NFKBIZ: variants seen among roughly 807,000 people sequenced by gnomAD.
The protein encoded by NFKBIZ is NFKB inhibitor zeta, also known as NF-kappa-B inhibitor zeta.
Under a neutral mutation model 76.8 loss-of-function variants are expected in NFKBIZ, and 19 were observed. That is an observed-to-expected ratio of 0.25 (90% CI 0.17 to 0.36). NFKBIZ has a LOEUF of 0.36. Among genes scored for constraint, NFKBIZ ranks in the 10% least tolerant of loss-of-function variants. The pLI is 1.00. For synonymous variants in NFKBIZ, 368 were observed against 354.8 expected (o/e 1.04, Z -0.42); for missense variants, 829 against 910.9 (o/e 0.91, Z 1.16).
Position 101,860,453 on chromosome 3 carries a change from A to C in NFKBIZ, c.*1082A>C, listed in dbSNP as rs1943115319. 1 of 152,238 alleles carries C rather than the reference A, an allele frequency of 6.6e-6. No homozygotes were observed. Among genetic ancestry groups the C allele is most frequent in the Non-Finnish European group, 1.5e-5 (1 of 68,072 alleles). The allele number at this position is 152,238 out of a possible 1,614,324, so 9.4% of individuals were successfully genotyped here. On this transcript the variant is annotated 3_prime_UTR_variant, in exon 12 of 12. Coordinates refer to ENST00000326172, the MANE Select transcript of NFKBIZ (RefSeq NM_031419.4). ...TAGTCTCCCAAAATGCTGGGATTAC[A>C]GGAGTGAGCCACCATGCCCGGCTGG... is the stretch of plus-strand genomic sequence containing the variant.
chr3:101,836,217 T>C (rs1309519829), intron 2 of NFKBIZ, among the ~76,000 whole-genome samples: 3 of 152,138 alleles, frequency 2.0e-5, no homozygotes, highest in Non-Finnish European at 2.9e-5. Flanking sequence ...GTAATAGGAA[T>C]CAACTCTAGA....
At chr3:101,854,503 T>A in intron 5 of NFKBIZ, 75 bp from the exon 6 acceptor site, 1 of 744,272 alleles carries the variant, frequency 1.3e-6, no homozygotes, top group Non-Finnish European at 2.1e-6. Context: ...AAAGGAAGAT[T>A]TTTTTTTTTT....
chr3:101,857,033 A>ATT (rs75713821), intron 9 of NFKBIZ, 40 bp from the exon 10 acceptor site: 2,193 of 1,084,748 alleles, frequency 2.0e-3, no homozygotes, highest in Non-Finnish European at 2.5e-3. Context: ...TAGTATCTGG[A>ATT]TTTTTTTTTT....
intron 9 of NFKBIZ, chr3:101,856,151 A>G (rs1440386657): frequency 8.5e-6 from 2 of 236,624 alleles, no homozygotes; most frequent in Non-Finnish European, 1.7e-5. Flanking sequence ...CCCTGGTTCA[A>G]GCGATTCTCC....
upstream of NFKBIZ, among the ~76,000 whole-genome samples, chr3:101,844,686 G>A (rs758867038): frequency 2.6e-5 from 4 of 152,216 alleles, no homozygotes; most frequent in African/African-American, 4.8e-5. Context: ...AGGCAAAAGT[G>A]CAATTTTGCA....
chr3:101,849,681 A>G lies in NFKBIZ; in HGVS notation c.53A>G (p.Asp18Gly), dbSNP rs1942915902. The G allele has an allele frequency of 1.0e-5, 14 of 1,394,708 alleles. No individual in the cohort carries two copies. Among genetic ancestry groups the G allele is most frequent in the Non-Finnish European group, 1.3e-5 (14 of 1,082,528 alleles). The allele number at this position is 1,394,708 out of a possible 1,614,324, so 86.4% of individuals were successfully genotyped here. Reference protein sequence around the residue: ...DDSRGGEGLRDAAGGCGLMTS... With the variant: ...DDSRGGEGLRGAAGGCGLMTS... ...AGCCGCGGCGGAGAGGGGCTGCGGG[A>G]CGCGGCGGGCGGCTGCGGCCTCATG... The change falls in exon 1 of 12, where the codon GAC (aspartate) becomes GGC (glycine). Residue 18 changes from aspartate (D) to glycine (G), a missense_variant. By Grantham distance (94) the Asp-to-Gly change is moderately conservative. Coordinates refer to ENST00000326172, the MANE Select transcript of NFKBIZ (RefSeq NM_031419.4).
rs765606567 is a variant in NFKBIZ, at chr3:101,849,701, C to T, written c.73C>T (p.Leu25Phe). 1.4e-6 allele frequency: 2 copies of T among 1,417,672 alleles called. No homozygotes were observed. The highest frequency in any genetic ancestry group is 1.5e-5 in the South Asian group (1 of 68,180). The allele number at this position is 1,417,672 out of a possible 1,614,324, so 87.8% of individuals were successfully genotyped here. The change falls in exon 1 of 12, where the codon CTC (leucine) becomes TTC (phenylalanine). Residue 25 changes from leucine (L) to phenylalanine (F), a missense_variant. Leu to Phe is a conservative substitution (Grantham distance 22). Coordinates refer to ENST00000326172, the MANE Select transcript of NFKBIZ (RefSeq NM_031419.4). Reference protein sequence around the residue: ...GLRDAAGGCGLMTSPLNLSYF... With the variant: ...GLRDAAGGCGFMTSPLNLSYF... The stretch of plus-strand genomic sequence containing the variant: ...GCGGGACGCGGCGGGCGGCTGCGGC[C>T]TCATGACCAGCCCGCTCAACCTGAG...
intron 1 of NFKBIZ, 31 bp downstream of exon 1, chr3:101,849,948 C>T (rs1353132721): frequency 1.6e-4 from 211 of 1,361,000 alleles, no homozygotes; most frequent in Non-Finnish European, 1.9e-4. Context: ...GCTGCGTACT[C>T]GGGGCGCGCA....
intron 2 of NFKBIZ, among the ~76,000 whole-genome samples, chr3:101,842,467 A>G (rs909795830): frequency 2.4e-4 from 36 of 152,190 alleles, no homozygotes; most frequent in African/African-American, 8.2e-4. Context: ...CCTGTGGCCC[A>G]TGGGCTGCAT....
upstream of NFKBIZ, among the ~76,000 whole-genome samples, chr3:101,847,479 A>G (rs1312992470): frequency 6.6e-6 from 1 of 152,240 alleles, no homozygotes; most frequent in South Asian, 2.1e-4. Context: ...ATTCTGAGAA[A>G]TGTGTCGTTA....
Position 101,855,899 on chromosome 3 carries a change from G to A in NFKBIZ, c.1821G>A (p.Ala607=), listed in dbSNP as rs776999242. Residue 607 remains alanine (A), a synonymous_variant, in exon 9 of 12, where the codon GCG becomes GCA. Transcript: ENST00000326172. ...CLIQMGAAVE[A]KDRKSGRTAL... is the part of the protein sequence containing the mutation. ...TTCAAATGGGAGCAGCGGTGGAAGC[G>A]AAGGTAAATTCACAGAAAAGGTTTA... The A allele has an allele frequency of 1.1e-5, 18 of 1,602,254 alleles. No homozygotes were observed. The highest frequency in any genetic ancestry group is 6.9e-5 in the Admixed American group (4 of 57,654).
At position 101,829,440 on chromosome 3, in the gene NFKBIZ, T is replaced by G. The variant is rs1427686197; in HGVS notation, c.-87-173T>G. 2.0e-5 allele frequency among the ~76,000 whole-genome samples: 3 copies of G among 152,156 alleles called. No homozygotes were observed. The East Asian group carries it at 5.8e-4, about 29-fold the overall frequency. Reference sequence around the variant, plus strand: ...CCTGTAACAGACAAGACAAGAAAGCTCTCAGAGAGCAAAACAAACCCTTTC... The same window carrying G: ...CCTGTAACAGACAAGACAAGAAAGCGCTCAGAGAGCAAAACAAACCCTTTC... On this transcript the variant is annotated intron_variant, in intron 1 of 12. Coordinates refer to the NFKBIZ transcript ENST00000394054.
chr3:101,853,184 A>G lies in NFKBIZ; in HGVS notation c.658A>G (p.Ile220Val). ...GAGCAGTGCTGATCTGCTTCAGAACATTATCAACATTAAGAATGAATGCAG... is the reference window on the plus strand; with the variant it reads ...GAGCAGTGCTGATCTGCTTCAGAACGTTATCAACATTAAGAATGAATGCAG... ...QESSADLLQN[I>V]INIKNECSPV... Residue 220 changes from isoleucine (I) to valine (V), a missense_variant, in exon 5 of 12, where the codon ATT becomes GTT. Ile to Val is a conservative substitution (Grantham distance 29). Coordinates refer to ENST00000326172, the MANE Select transcript of NFKBIZ (RefSeq NM_031419.4). 1 of 1,614,162 alleles carries G rather than the reference A, an allele frequency of 6.2e-7. No homozygotes were observed. Among genetic ancestry groups the G allele is most frequent in the Non-Finnish European group, 8.5e-7 (1 of 1,180,020 alleles).
intron 2 of NFKBIZ, among the ~76,000 whole-genome samples, chr3:101,830,970 C>G (rs1377076471): frequency 1.3e-5 from 2 of 152,172 alleles, no homozygotes; most frequent in Admixed American, 6.5e-5. Context: ...ATGCCAACCT[C>G]CAGATATTTG....
At chr3:101,831,129 C>G (rs901488407) in intron 2 of NFKBIZ, among the ~76,000 whole-genome samples, 1 of 152,180 alleles carries the variant, frequency 6.6e-6, no homozygotes, top group Non-Finnish European at 1.5e-5. Context: ...GTCAAGTTTG[C>G]TAGACAGCCT....
At chr3:101,850,035 C>A in intron 1 of NFKBIZ, 118 bp downstream of exon 1, 1 of 1,007,834 alleles carries the variant, frequency 9.9e-7, no homozygotes, top group Non-Finnish European at 1.3e-6. Context: ...GACGTACGCA[C>A]CTTAGCCATC....
Position 101,849,806 on chromosome 3 carries a change from C to T in NFKBIZ, c.178C>T (p.Pro60Ser), listed in dbSNP as rs1241320631. ...CTGCTCGGTCTTGGGCCCCTCGGCG[C>T]CCGGCTCGCCCGGCTCCGACTCCTC... ...ASCSVLGPSA[P>S]GSPGSDSSDF... Residue 60 changes from proline to serine, a missense_variant, in exon 1 of 12, where the codon CCC becomes TCC. Around this residue, in one of 4 missense-constraint regions of NFKBIZ, gnomAD observed 181 missense variants for 175.3 expected, o/e 1.03. Transcript: ENST00000326172. 1.4e-6 allele frequency: 2 copies of T among 1,470,048 alleles called. No homozygotes were observed. The highest frequency in any genetic ancestry group is 2.5e-5 in the Admixed American group (1 of 40,382). The allele number at this position is 1,470,048 out of a possible 1,614,324, so 91.1% of individuals were successfully genotyped here.
chr3:101,854,581 C>T lies in NFKBIZ; in HGVS notation c.1341C>T (p.Phe447=). The change falls in exon 6 of 12, where the codon TTC becomes TTT. Residue 447 remains phenylalanine (F), a synonymous_variant. Transcript: ENST00000326172. The stretch of plus-strand genomic sequence containing the variant: ...CTTTCCTTTCCATGTTCCCCAGGTT[C>T]CTTCATATTGCTGTTGCCCAAGGGA... The part of the protein sequence containing the change: ...FLSKDADGDT[F]LHIAVAQGRR... The T allele has an allele frequency of 6.2e-7, 1 of 1,605,394 alleles. No homozygotes were observed. Among genetic ancestry groups the T allele is most frequent in the Non-Finnish European group, 8.5e-7 (1 of 1,173,436 alleles).
At position 101,859,350 on chromosome 3, in the gene NFKBIZ, G is replaced by A. The variant is rs779855927; in HGVS notation, c.2136G>A (p.Gln712=). ...GTATCCTGAAGGGAAAGTCCATTCA[G>A]CAGAGAGCTCCACCGTATTAGCTCC... ...IRRILKGKSI[Q]QRAPPY The change falls in exon 12 of 12, where the codon CAG becomes CAA. Residue 712 remains glutamine, a synonymous_variant. Coordinates refer to ENST00000326172, the MANE Select transcript of NFKBIZ (RefSeq NM_031419.4). 3 of 1,613,694 alleles carry A rather than the reference G, an allele frequency of 1.9e-6. No homozygotes were observed. In the Admixed American group the frequency reaches 5.0e-5, roughly 27 times the overall value.
Sources: allele counts gnomAD v4.1 joint callset (sites outside exome capture counted in the v4.1 genomes callset), GRCh38; gene constraint gnomAD v4.1.1; regional missense constraint gnomAD v4.1.1; transcripts MANE v1.5; gene names NCBI Gene and HGNC (gene_info 2026-07-23, HGNC 2026-07-21).